The following DYNC2LI1 variants were observed in gnomAD, a reference collection of about 807,000 sequenced individuals.
DYNC2LI1 encodes dynein cytoplasmic 2 light intermediate chain 1, also known as cytoplasmic dynein 2 light intermediate chain 1.
Under a neutral mutation model 51.9 loss-of-function variants are expected in DYNC2LI1, and 45 were observed. The observed-to-expected ratio is 0.87, with a 90% CI of 0.68 to 1.11. The LOEUF (loss-of-function observed/expected upper bound fraction) is 1.11. Among genes scored for constraint, DYNC2LI1 ranks in the 50% most tolerant of loss-of-function variants. DYNC2LI1 has a pLI of 0.00. For missense variants in DYNC2LI1, 490 were observed against 417.4 expected, an observed-to-expected ratio of 1.17 and a Z score of -1.51; for synonymous variants, 130 against 137.8, an observed-to-expected ratio of 0.94 and a Z score of 0.40.
intron 6 of DYNC2LI1, 175 bp downstream of exon 6, chr2:43,794,818 A>C: frequency 6.8e-7 from 1 of 1,462,030 alleles, no homozygotes. Context: ...GAGCAAAACA[A>C]GGAAGAAGAT....
rs567585647 is a variant in DYNC2LI1 at position 43,795,861 on chromosome 2, A to G, written c.508-29A>G. On this transcript the variant is annotated intron_variant, in intron 6 of 12. Coordinates refer to ENST00000260605, the MANE Select transcript of DYNC2LI1 (RefSeq NM_016008.4). ...AAGCACCTAGCAATAAAGAATTACAACAACTCAAGGAAATATGTTTATTAG... is the reference window on the plus strand; with the variant it reads ...AAGCACCTAGCAATAAAGAATTACAGCAACTCAAGGAAATATGTTTATTAG... 1.1e-3 allele frequency: 1,789 copies of G among 1,581,022 alleles called. 37 individuals carry two copies. In the South Asian group the frequency reaches 0.019, roughly 17 times the overall value.
chr2:43,800,092 A>G (rs1385067091), intron 8 of DYNC2LI1, among the ~76,000 whole-genome samples: 9 of 152,176 alleles, frequency 5.9e-5, no homozygotes, highest in Non-Finnish European at 2.9e-5. Flanking sequence ...CATACCTCTT[A>G]GTCATTTTGA....
chr2:43,823,508 T>C, the DYNC2LI1 span, among the ~76,000 whole-genome samples: 3 of 152,202 alleles, frequency 2.0e-5, no homozygotes, highest in Non-Finnish European at 4.4e-5. Context: ...GGAATTCCAC[T>C]GAATTTGAAA....
chr2:43,826,316 C>A, the DYNC2LI1 span: 2 of 1,609,128 alleles, frequency 1.2e-6, no homozygotes, highest in Admixed American at 3.3e-5. Flanking sequence ...ACAAATCTTG[C>A]CCCTGCCCCT....
intron 8 of DYNC2LI1, among the ~76,000 whole-genome samples, chr2:43,797,144 CA>C (rs1310481678): frequency 6.6e-6 from 1 of 152,130 alleles, no homozygotes; most frequent in African/African-American, 2.4e-5. Flanking sequence ...TCAACTCTAT[CA>C]GTGTGTGTAT....
intron 4 of DYNC2LI1, among the ~76,000 whole-genome samples, chr2:43,788,869 A>G (rs1050314326): frequency 1.3e-5 from 2 of 152,220 alleles, no homozygotes; most frequent in East Asian, 1.9e-4. Flanking sequence ...CCTGGCTTCA[A>G]GTGATCCTCC....
chr2:43,792,528 C>A, intron 5 of DYNC2LI1: 1 of 630,324 alleles, frequency 1.6e-6, no homozygotes, highest in Non-Finnish European at 2.4e-6. Context: ...GTAAAATATA[C>A]ATAGCGTAAA....
chr2:43,805,300 G>A (rs1271699290), intron 12 of DYNC2LI1, 54 bp downstream of exon 12: 1 of 1,138,458 alleles, frequency 8.8e-7, no homozygotes, highest in Admixed American at 1.8e-5. Context: ...ACAAAACCTG[G>A]GGTGCCTTGG....
chr2:43,796,978 C>G (rs761555997), intron 8 of DYNC2LI1, among the ~76,000 whole-genome samples, 183 bp downstream of exon 8: 4 of 152,224 alleles, frequency 2.6e-5, no homozygotes, highest in Non-Finnish European at 4.4e-5. Context: ...ACATGCACTG[C>G]TAGATGGTCT....
downstream of DYNC2LI1, among the ~76,000 whole-genome samples, chr2:43,811,780 G>T (rs1367775444): frequency 6.6e-6 from 1 of 152,058 alleles, no homozygotes; most frequent in South Asian, 2.1e-4. Context: ...TTTTTTAGTA[G>T]AGACGGGGTT....
At chr2:43,821,686 C>A in the DYNC2LI1 span, among the ~76,000 whole-genome samples, 2 of 152,116 alleles carry the variant, frequency 1.3e-5, no homozygotes, top group African/African-American at 2.4e-5. Flanking sequence ...GGCCCCTGGA[C>A]CCCTAAGATT....
chr2:43,789,618 A>AT lies in DYNC2LI1; in HGVS notation c.232-10dup. Reference sequence around the variant, plus strand: ...GTACTTAAACTTCAAAAAATCAAAAATTTTTGTTTTTCAGCCAAAAGATAT... The same window carrying AT: ...GTACTTAAACTTCAAAAAATCAAAAATTTTTTGTTTTTCAGCCAAAAGATAT... On this transcript the variant is annotated splice_polypyrimidine_tract_variant and intron_variant, in intron 4 of 12. Transcript: ENST00000260605. 6.2e-7 allele frequency: 1 copy of AT among 1,611,440 alleles called. No homozygotes were observed. The highest frequency in any genetic ancestry group is 8.5e-7 in the Non-Finnish European group (1 of 1,178,878).
In DYNC2LI1 at chr2:43,777,370, G is replaced by A. The variant is rs1673072167; in HGVS notation, c.126+471G>A. Among the ~76,000 whole-genome samples the A allele has an allele frequency of 2.0e-5, 3 of 152,236 alleles. No individual in the cohort carries two copies. In the South Asian group the frequency reaches 6.2e-4, roughly 32 times the overall value. On this transcript the variant is annotated intron_variant, in intron 2 of 12. Transcript: ENST00000260605. The stretch of plus-strand genomic sequence containing the variant: ...CAGTGGACCACTGATTGGTAGGAAG[G>A]GACCCCTCCCCACTTGTTGTAAGTC...
At chr2:43,824,835 A>T in the DYNC2LI1 span, 3 of 1,603,560 alleles carry the variant, frequency 1.9e-6, no homozygotes, top group South Asian at 2.2e-5. Context: ...CAGAAGTCTG[A>T]GATGAGAAAG....
chr2:43,822,188 T>C, the DYNC2LI1 span, among the ~76,000 whole-genome samples: 1 of 152,176 alleles, frequency 6.6e-6, no homozygotes, highest in Non-Finnish European at 1.5e-5. Context: ...CTTCCCTTCT[T>C]GTAAACCTGA....
At chr2:43,817,980 C>G in the DYNC2LI1 span, among the ~76,000 whole-genome samples, 1 of 152,166 alleles carries the variant, frequency 6.6e-6, no homozygotes, top group South Asian at 2.1e-4. Context: ...TTAGCCTGGT[C>G]TACCTTAAAT....
At chr2:43,791,903 T>A (rs1031149466) in intron 5 of DYNC2LI1, among the ~76,000 whole-genome samples, 2 of 152,200 alleles carry the variant, frequency 1.3e-5, no homozygotes, top group African/African-American at 2.4e-5. Context: ...TGCTATGAAA[T>A]AGGTAAAAAG....
intron 1 of DYNC2LI1, 139 bp downstream of exon 1, chr2:43,774,285 A>C (rs1672910493): frequency 8.8e-7 from 1 of 1,141,502 alleles, no homozygotes. Context: ...GGACCTAGGA[A>C]TCAGCCTTGA....
chr2:43,786,087 A>AT (rs1006780303), intron 3 of DYNC2LI1, among the ~76,000 whole-genome samples: 26 of 152,228 alleles, frequency 1.7e-4, no homozygotes, highest in Non-Finnish European at 1.9e-4. Context: ...ATCATTACTG[A>AT]TTTTAAGGAC....
Sources: allele counts gnomAD v4.1 joint callset (sites outside exome capture counted in the v4.1 genomes callset), GRCh38; gene constraint gnomAD v4.1.1; transcripts MANE v1.5; gene names NCBI Gene and HGNC (gene_info 2026-07-23, HGNC 2026-07-21).